Variants in IL1RAPL1 observed in about 807,000 individuals in gnomAD.
The protein encoded by IL1RAPL1 is interleukin-1 receptor accessory protein-like 1.
In IL1RAPL1, 3 loss-of-function variants were observed where a neutral mutation model predicts 48.4. The ratio of observed to expected loss-of-function variants is 0.06; its 90% confidence interval spans 0.03 to 0.16. IL1RAPL1 has a LOEUF of 0.16. Among genes scored for constraint, IL1RAPL1 ranks in the 10% least tolerant of loss-of-function variants. The pLI, the probability that IL1RAPL1 is intolerant of heterozygous loss-of-function variation, is 1.00. For synonymous variants in IL1RAPL1, 185 were observed against 187.7 expected (o/e 0.99, Z 0.12); for missense variants, 349 against 530.6 (o/e 0.66, Z 3.36).
At chrX:28,667,417 C>T (rs1484133287) in intron 1 of IL1RAPL1, among the ~76,000 whole-genome samples, 4 of 112,136 alleles carry the variant, frequency 3.6e-5, no homozygotes, top group Non-Finnish European at 7.5e-5. Context: ...CATGTTGCCT[C>T]GCATGTCTTT....
chrX:29,678,023 G>A (rs944269724), intron 6 of IL1RAPL1, among the ~76,000 whole-genome samples: 5 of 111,261 alleles, frequency 4.5e-5, no homozygotes, highest in Non-Finnish European at 7.5e-5. Context: ...GGTTTAAAAG[G>A]AACATCTTGT....
chrX:29,208,060 C>G (rs1356450277), intron 2 of IL1RAPL1, among the ~76,000 whole-genome samples: 4 of 111,404 alleles, frequency 3.6e-5, no homozygotes, highest in Admixed American at 1.9e-4. Flanking sequence ...TTGCTTATAC[C>G]TGGTACAAAA....
chrX:29,444,538 C>A (rs1407949622), intron 5 of IL1RAPL1, among the ~76,000 whole-genome samples: 1 of 109,486 alleles, frequency 9.1e-6, no homozygotes, highest in Admixed American at 9.9e-5. Flanking sequence ...ACAGAAAAAA[C>A]CTATCACACT....
At chrX:28,841,981 C>T (rs1921383880) in intron 2 of IL1RAPL1, among the ~76,000 whole-genome samples, 1 of 110,823 alleles carries the variant, frequency 9.0e-6, no homozygotes, top group African/African-American at 3.3e-5. Flanking sequence ...GTGAGCTACA[C>T]TGGTAGTAGG....
chrX:28,696,102 A>G (rs987790959), intron 1 of IL1RAPL1, among the ~76,000 whole-genome samples: 1 of 111,774 alleles, frequency 8.9e-6, no homozygotes, highest in Non-Finnish European at 1.9e-5. Context: ...ATTTATCGCT[A>G]TGTAATTATA....
chrX:29,692,643 G>C (rs1926804235), intron 6 of IL1RAPL1, among the ~76,000 whole-genome samples: 1 of 112,103 alleles, frequency 8.9e-6, no homozygotes, highest in African/African-American at 3.2e-5. Context: ...AAACATTGAA[G>C]TTAGTTATTT....
At chrX:28,859,477 C>G (rs1370284558) in intron 2 of IL1RAPL1, among the ~76,000 whole-genome samples, 1 of 111,160 alleles carries the variant, frequency 9.0e-6, no homozygotes, top group Non-Finnish European at 1.9e-5. Context: ...CGAGGATAGT[C>G]TGGATCTCTT....
chrX:28,957,345 A>G (rs2147359453), intron 2 of IL1RAPL1, among the ~76,000 whole-genome samples: 1 of 112,022 alleles, frequency 8.9e-6, no homozygotes, highest in East Asian at 2.8e-4. Flanking sequence ...ACAATTTCAT[A>G]TATTTTATTT....
intron 2 of IL1RAPL1, among the ~76,000 whole-genome samples, chrX:28,802,670 T>C (rs1936689530): frequency 8.9e-6 from 1 of 112,299 alleles, no homozygotes; most frequent in Admixed American, 9.5e-5. Context: ...TTCTTATCAA[T>C]GATGAAGAAA....
chrX:29,047,532 G>T (rs1413882863), intron 2 of IL1RAPL1, among the ~76,000 whole-genome samples: 1 of 111,581 alleles, frequency 9.0e-6, no homozygotes, highest in African/African-American at 3.3e-5. Flanking sequence ...TTTATTATTG[G>T]CATTTTCAAA....
At chrX:29,280,092 CA>C (rs1314717237) in intron 2 of IL1RAPL1, among the ~76,000 whole-genome samples, 2 of 112,067 alleles carry the variant, frequency 1.8e-5, no homozygotes, top group African/African-American at 6.5e-5. Context: ...AGTGGTAAAA[CA>C]AAATAATTTT....
At chrX:29,114,750 C>T (rs1271174802) in intron 2 of IL1RAPL1, among the ~76,000 whole-genome samples, 3 of 110,554 alleles carry the variant, frequency 2.7e-5, no homozygotes, top group African/African-American at 9.9e-5. Context: ...CTGCCTCAGC[C>T]GCCCGAGTAG....
chrX:28,822,738 C>T (rs1305989198), intron 2 of IL1RAPL1, among the ~76,000 whole-genome samples: 1 of 111,441 alleles, frequency 9.0e-6, no homozygotes, highest in Non-Finnish European at 1.9e-5. Context: ...TGAACAATGC[C>T]CTGTCCAACT....
intron 2 of IL1RAPL1, among the ~76,000 whole-genome samples, chrX:29,151,219 A>G (rs931735551): frequency 4.5e-5 from 5 of 112,328 alleles, no homozygotes; most frequent in African/African-American, 1.6e-4. Context: ...TGCTGTTTCC[A>G]TGGATGGTTC....
Position 29,772,803 on chromosome X carries a change from G to A in IL1RAPL1, c.778+104299G>A, listed in dbSNP as rs935244260. Among the ~76,000 whole-genome samples, 12 of 111,154 alleles carry A rather than the reference G, an allele frequency of 1.1e-4. No individual in the cohort carries two copies. In the East Asian group the frequency reaches 2.8e-3, roughly 26 times the overall value. On this transcript the variant is annotated intron_variant, in intron 6 of 10. Transcript: ENST00000378993. Reference sequence around the variant, plus strand: ...GCCTTCTACTTTCATTTCCAACAGCGTTTACCATAGAAATAATACAGTGCT... The same window carrying A: ...GCCTTCTACTTTCATTTCCAACAGCATTTACCATAGAAATAATACAGTGCT...
rs777156226 is a variant in IL1RAPL1, at chrX:29,100,999, G to A, written c.83-181939G>A. Among the ~76,000 whole-genome samples the A allele has an allele frequency of 1.4e-3, 162 of 111,788 alleles. 1 individual carries two copies. The highest frequency in any genetic ancestry group is 5.0e-3 in the African/African-American group (155 of 30,820). On this transcript the variant is annotated intron_variant, in intron 2 of 10. Coordinates refer to ENST00000378993, the MANE Select transcript of IL1RAPL1 (RefSeq NM_014271.4). The stretch of plus-strand genomic sequence containing the variant: ...GTTTTGGGAATGTGTATAACTGTAA[G>A]CATGGGCAACCTATCAGTAACTTAA...
chrX:29,955,441 AG>A lies in IL1RAPL1; in HGVS notation c.1714del (p.Ala572LeufsTer2). On this transcript the variant is annotated frameshift_variant, in exon 11 of 11. Transcript: ENST00000378993. LOFTEE classifies it high-confidence loss of function. ...FKRIEPITHE[Q>X]ALDVSEQGPF... Reference sequence around the variant, plus strand: ...AGGATAGAACCCATTACACATGAGCAGGCTTTAGATGTCAGTGAGCAAGGGC... The same window carrying A: ...AGGATAGAACCCATTACACATGAGCAGCTTTAGATGTCAGTGAGCAAGGGC... 1 of 1,211,511 alleles carries A rather than the reference AG, an allele frequency of 8.3e-7. No individual in the cohort carries two copies. The highest frequency in any genetic ancestry group is 1.1e-6 in the Non-Finnish European group (1 of 895,425).
chrX:29,053,189 T>C (rs1444386557), intron 2 of IL1RAPL1, among the ~76,000 whole-genome samples: 1 of 111,675 alleles, frequency 9.0e-6, no homozygotes, highest in African/African-American at 3.3e-5. Flanking sequence ...CCATCCATGT[T>C]CCTGAAAAGG....
chrX:29,648,496 A>G (rs180969633), intron 5 of IL1RAPL1, among the ~76,000 whole-genome samples: 74 of 112,001 alleles, frequency 6.6e-4, no homozygotes, highest in Non-Finnish European at 1.1e-3. Flanking sequence ...ACTTTGGAAA[A>G]TTCACAAATG....
Sources: allele counts gnomAD v4.1 joint callset (sites outside exome capture counted in the v4.1 genomes callset), GRCh38; gene constraint gnomAD v4.1.1; transcripts MANE v1.5; gene names NCBI Gene and HGNC (gene_info 2026-07-23, HGNC 2026-07-21).